The following NMNAT3 variants were observed in gnomAD, a reference collection of about 807,000 sequenced individuals.
The protein encoded by NMNAT3 is nicotinamide/nicotinic acid mononucleotide adenylyltransferase 3.
Under a neutral mutation model 24.8 loss-of-function variants are expected in NMNAT3, and 21 were observed. The observed-to-expected ratio is 0.85, with a 90% confidence interval of 0.60 to 1.22. NMNAT3 has a LOEUF of 1.22. Among genes scored for constraint, NMNAT3 ranks in the 50% most tolerant of loss-of-function variants. NMNAT3 has a pLI of 0.00. For missense variants in NMNAT3, 387 were observed against 436.6 expected, an observed-to-expected ratio of 0.89 and a Z score of 1.01; for synonymous variants, 136 against 155.2, an observed-to-expected ratio of 0.88 and a Z score of 0.92.
intron 3 of NMNAT3, among the ~76,000 whole-genome samples, chr3:139,604,476 T>A (rs150530511): frequency 2.0e-4 from 31 of 152,362 alleles, no homozygotes; most frequent in African/African-American, 6.7e-4. Flanking sequence ...CCAAAGGCTT[T>A]ACATATACTC....
intron 2 of NMNAT3, 131 bp from the exon 4 acceptor site, chr3:139,627,895 T>C: frequency 2.1e-6 from 1 of 471,252 alleles, no homozygotes; most frequent in Middle Eastern, 5.5e-4. Flanking sequence ...AAAACAACGT[T>C]TAAGGAGGGT....
chr3:139,666,200 G>C (rs989500228), intron 1 of NMNAT3, among the ~76,000 whole-genome samples: 2 of 152,268 alleles, frequency 1.3e-5, no homozygotes, highest in Admixed American at 6.5e-5. Flanking sequence ...CCACAGAGAG[G>C]TGGGTCTATT....
intron 2 of NMNAT3, chr3:139,636,109 G>A (rs1380060256): frequency 6.6e-6 from 1 of 152,058 alleles, no homozygotes; most frequent in African/African-American, 2.4e-5. Context: ...CTTTTACCTG[G>A]GGTAGAAACG....
At chr3:139,615,726 G>A (rs1559913338) in intron 3 of NMNAT3, among the ~76,000 whole-genome samples, 1 of 2,670 alleles carries the variant, frequency 3.7e-4, no homozygotes, top group African/African-American at 3.9e-4. Context: ...GAATGCTAGC[G>A]TGTGTATCAG....
chr3:139,633,464 G>A (rs914935202), intron 2 of NMNAT3, among the ~76,000 whole-genome samples: 1 of 152,182 alleles, frequency 6.6e-6, no homozygotes, highest in Non-Finnish European at 1.5e-5. Context: ...ACAGGCGTGA[G>A]CCACTGTGCC....
At chr3:139,677,263 T>C (rs1314408998) in intron 1 of NMNAT3, among the ~76,000 whole-genome samples, 3 of 152,206 alleles carry the variant, frequency 2.0e-5, no homozygotes, top group African/African-American at 7.2e-5. Flanking sequence ...TTGCTGTCGG[T>C]CTCCCCCCAC....
Position 139,606,258 on chromosome 3 carries a change from C to G in NMNAT3, c.109+21358G>C, listed in dbSNP as rs141815086. Among the ~76,000 whole-genome samples, 512 of 152,274 alleles carry G rather than the reference C, an allele frequency of 3.4e-3. 6 individuals carry two copies. Among genetic ancestry groups the G allele is most frequent in the East Asian group, 0.026 (135 of 5,180 alleles). On this transcript the variant is annotated intron_variant, in intron 3 of 6. Coordinates refer to ENST00000643695, the MANE Select transcript of NMNAT3 (RefSeq NM_001320510.2). ...AGTCTCTGCTAATCAAGGACAGCTC[C>G]TCAGTCTTCAGCACCTGGGCTTTTA...
intron 3 of NMNAT3, among the ~76,000 whole-genome samples, chr3:139,604,518 A>G (rs1436334659): frequency 6.6e-6 from 1 of 152,202 alleles, no homozygotes; most frequent in Admixed American, 6.5e-5. Flanking sequence ...GTATGAAAGG[A>G]GTGTGACTGT....
intron 3 of NMNAT3, chr3:139,584,293 G>A (rs572963518): frequency 6.4e-6 from 1 of 156,530 alleles, no homozygotes; most frequent in African/African-American, 2.4e-5. Flanking sequence ...TATCGGGGAT[G>A]GTCATCCTCT....
At chr3:139,631,043 T>C (rs1455545574) in intron 2 of NMNAT3, among the ~76,000 whole-genome samples, 2 of 152,102 alleles carry the variant, frequency 1.3e-5, no homozygotes, top group African/African-American at 4.8e-5. Context: ...TTAGAACAAT[T>C]TGTTTGAATG....
At chr3:139,603,958 T>C (rs2054827757) in intron 3 of NMNAT3, among the ~76,000 whole-genome samples, 1 of 152,242 alleles carries the variant, frequency 6.6e-6, no homozygotes, top group African/African-American at 2.4e-5. Context: ...ATTGCACATA[T>C]GTTCCCCTAG....
chr3:139,592,844 G>T (rs987617614), intron 3 of NMNAT3, among the ~76,000 whole-genome samples: 2 of 152,056 alleles, frequency 1.3e-5, no homozygotes, highest in Non-Finnish European at 1.5e-5. Context: ...AGGAACAACG[G>T]GTACCAGCCA....
chr3:139,630,072 C>T (rs1253521009), intron 2 of NMNAT3, among the ~76,000 whole-genome samples: 1 of 152,130 alleles, frequency 6.6e-6, no homozygotes, highest in Non-Finnish European at 1.5e-5. Context: ...CAATGACCTA[C>T]AATTCTTTCA....
intron 6 of NMNAT3, chr3:139,572,119 C>T: frequency 2.5e-6 from 1 of 398,850 alleles, no homozygotes; most frequent in East Asian, 3.6e-5. Flanking sequence ...CCATTCATAC[C>T]CTGTCTCCAG....
At chr3:139,627,582 GTTC>G in intron 3 of NMNAT3, 31 bp downstream of exon 4, 3 of 1,311,556 alleles carry the variant, frequency 2.3e-6, no homozygotes, top group Non-Finnish European at 3.1e-6. Context: ...TAACCCACCA[GTTC>G]TTCTGTTGGA....
At chr3:139,629,143 G>C (rs2056182817) in intron 2 of NMNAT3, among the ~76,000 whole-genome samples, 1 of 152,204 alleles carries the variant, frequency 6.6e-6, no homozygotes, top group Non-Finnish European at 1.5e-5. Context: ...AAGGCCCCTG[G>C]CTTCCCTCTT....
rs750187702 is a variant in NMNAT3 at position 139,578,884 on chromosome 3, A to G, written c.563T>C (p.Val188Ala). ...TGACTACCATTACCTCAGCACCTTC[A>G]CTGTCTCCATCCACTGTGCCTGCTC... The change falls in exon 5 of 7, where the codon GTG becomes GCG. Residue 188 changes from valine to alanine, a missense_variant. This residue lies in a region of NMNAT3 where 323 missense variants were observed against 345.2 expected (regional missense o/e 0.94). Coordinates refer to ENST00000643695, the MANE Select transcript of NMNAT3 (RefSeq NM_001320510.2). 6.2e-7 allele frequency: 1 copy of G among 1,613,808 alleles called. No individual in the cohort carries two copies. Among genetic ancestry groups the G allele is most frequent in the Admixed American group, 1.7e-5 (1 of 59,998 alleles).
chr3:139,581,378 T>TG (rs1559871685), intron 4 of NMNAT3, among the ~76,000 whole-genome samples: 1 of 151,934 alleles, frequency 6.6e-6, no homozygotes, highest in Admixed American at 6.6e-5. Flanking sequence ...TCTTTTTTTT[T>TG]TTTTTACACA....
intron 1 of NMNAT3, among the ~76,000 whole-genome samples, chr3:139,648,754 G>T (rs1243797053): frequency 1.3e-5 from 2 of 152,158 alleles, no homozygotes; most frequent in African/African-American, 4.8e-5. Flanking sequence ...CTACCAACAA[G>T]GGAATGGTTA....
Sources: allele counts gnomAD v4.1 joint callset (sites outside exome capture counted in the v4.1 genomes callset), GRCh38; gene constraint gnomAD v4.1.1; regional missense constraint gnomAD v4.1.1; transcripts MANE v1.5; gene names NCBI Gene and HGNC (gene_info 2026-07-23, HGNC 2026-07-21).